The following NAALADL2 variants were observed in gnomAD, a reference collection of about 807,000 sequenced individuals.
The protein encoded by NAALADL2 is inactive N-acetylated-alpha-linked acidic dipeptidase-like protein 2.
A neutral mutation model predicts 87.2 loss-of-function variants in NAALADL2; 76 were observed. The observed-to-expected ratio is 0.87, with a 90% CI of 0.72 to 1.05. The LOEUF is 1.05. Ranked by LOEUF, NAALADL2 falls within the 50% of genes least tolerant of loss-of-function variation. The pLI, the probability that NAALADL2 is intolerant of heterozygous loss-of-function variation, is 0.00. For synonymous variants in NAALADL2, 354 were observed against 331.0 expected, an observed-to-expected ratio of 1.07 and a Z score of -0.75; for missense variants, 1,089 against 945.8, an observed-to-expected ratio of 1.15 and a Z score of -1.99.
intron 2 of NAALADL2, among the ~76,000 whole-genome samples, chr3:174,588,435 TGGA>T (rs1716971368): frequency 6.6e-6 from 1 of 152,214 alleles, no homozygotes; most frequent in Non-Finnish European, 1.5e-5. Flanking sequence ...TGCGTTCCTT[TGGA>T]GGAGAAGAGG....
At chr3:175,371,765 A>G (rs1766533459) in intron 5 of NAALADL2, among the ~76,000 whole-genome samples, 1 of 151,814 alleles carries the variant, frequency 6.6e-6, no homozygotes. Context: ...CGGAGGTTGC[A>G]GTAAGCCAAG....
chr3:174,897,434 G>C (rs894917569), intron 1 of NAALADL2, among the ~76,000 whole-genome samples: 1 of 150,468 alleles, frequency 6.6e-6, no homozygotes, highest in Non-Finnish European at 1.5e-5. Flanking sequence ...TAACATCATT[G>C]ATCATTAGAG....
chr3:175,519,823 A>G (rs1004814066), intron 9 of NAALADL2, among the ~76,000 whole-genome samples: 1 of 152,232 alleles, frequency 6.6e-6, no homozygotes, highest in African/African-American at 2.4e-5. Flanking sequence ...CAGTACAGTT[A>G]TCCACATTAC....
At chr3:175,051,453 G>T (rs1357800379) in intron 1 of NAALADL2, among the ~76,000 whole-genome samples, 1 of 152,090 alleles carries the variant, frequency 6.6e-6, no homozygotes, top group Non-Finnish European at 1.5e-5. Flanking sequence ...TTATTGGCAG[G>T]ATTCAGTTTC....
At chr3:175,459,640 A>G in intron 6 of NAALADL2, among the ~76,000 whole-genome samples, 1 of 152,124 alleles carries the variant, frequency 6.6e-6, no homozygotes. Context: ...TTCTACAGTG[A>G]AAAAGGGTTC....
In NAALADL2 at chr3:175,212,315, A is replaced by G. The variant is rs143407358; in HGVS notation, c.546-21616A>G. ...CAATCACATTACTATATAAGAGTTA[A>G]TTAATCAAGTCATAGTAAGGTAAAA... is the stretch of plus-strand genomic sequence containing the variant. On this transcript the variant is annotated intron_variant, in intron 2 of 13. Transcript: ENST00000454872. Among the ~76,000 whole-genome samples, 607 of 150,436 alleles carry G rather than the reference A, an allele frequency of 4.0e-3. 2 individuals carry two copies. Among genetic ancestry groups the G allele is most frequent in the African/African-American group, 0.014 (548 of 39,980 alleles).
At chr3:175,502,408 T>C (rs1000195726) in intron 9 of NAALADL2, among the ~76,000 whole-genome samples, 1 of 152,122 alleles carries the variant, frequency 6.6e-6, no homozygotes, top group Non-Finnish European at 1.5e-5. Flanking sequence ...AATGAGGCAA[T>C]GCGACAAGTA....
intron 5 of NAALADL2, among the ~76,000 whole-genome samples, chr3:175,432,757 A>G (rs957380239): frequency 2.6e-5 from 4 of 152,072 alleles, no homozygotes; most frequent in Non-Finnish European, 4.4e-5. Context: ...TCTAGCCACT[A>G]CTTTAAAAGC....
intron 11 of NAALADL2, among the ~76,000 whole-genome samples, chr3:175,665,658 C>T (rs920011933): frequency 6.6e-6 from 1 of 152,074 alleles, no homozygotes; most frequent in Non-Finnish European, 1.5e-5. Flanking sequence ...TTAGGCTGGG[C>T]GCGATGGCTC....
At chr3:175,783,962 A>G (rs1044430518) in intron 13 of NAALADL2, among the ~76,000 whole-genome samples, 1 of 140,512 alleles carries the variant, frequency 7.1e-6, no homozygotes, top group Non-Finnish European at 1.5e-5. Flanking sequence ...TGAGATAATC[A>G]TGTGGTTTTT....
At chr3:175,408,074 C>A (rs191908564) in intron 5 of NAALADL2, among the ~76,000 whole-genome samples, 1 of 151,936 alleles carries the variant, frequency 6.6e-6, no homozygotes, top group Admixed American at 6.6e-5. Flanking sequence ...CTTAAAAAGT[C>A]GATCTCATAG....
intron 1 of NAALADL2, among the ~76,000 whole-genome samples, chr3:175,004,767 T>C (rs1748790701): frequency 6.6e-6 from 1 of 152,180 alleles, no homozygotes; most frequent in African/African-American, 2.4e-5. Context: ...GATATCATTA[T>C]CTTCAGGTTA....
chr3:175,695,247 CA>C (rs1354318035), intron 11 of NAALADL2, among the ~76,000 whole-genome samples: 3 of 152,176 alleles, frequency 2.0e-5, no homozygotes, highest in Admixed American at 6.5e-5. Context: ...AGAATATTCT[CA>C]AACTGTAGAT....
At chr3:174,484,177 C>T (rs112627442) in intron 1 of NAALADL2, among the ~76,000 whole-genome samples, 1 of 139,736 alleles carries the variant, frequency 7.2e-6, no homozygotes, top group African/African-American at 2.6e-5. Context: ...TTTAATGTGT[C>T]GAGTGTGATT....
At chr3:174,977,131 C>T (rs73048921) in intron 1 of NAALADL2, among the ~76,000 whole-genome samples, 4,716 of 152,206 alleles carry the variant, frequency 0.031, 233 homozygotes, top group African/African-American at 0.11. Context: ...TGAAATAAGC[C>T]AGGCCCAGAA....
At chr3:175,023,425 A>G (rs1751820691) in intron 1 of NAALADL2, among the ~76,000 whole-genome samples, 3 of 152,100 alleles carry the variant, frequency 2.0e-5, no homozygotes, top group African/African-American at 7.2e-5. Flanking sequence ...TGTGTCTGTC[A>G]TAAAGTTTAT....
At chr3:175,409,319 G>C (rs1354193286) in intron 5 of NAALADL2, among the ~76,000 whole-genome samples, 1 of 151,704 alleles carries the variant, frequency 6.6e-6, no homozygotes, top group Non-Finnish European at 1.5e-5. Context: ...ATTGAGCTAA[G>C]TGCCTACCTA....
At chr3:175,592,164 T>C (rs9812672) in intron 10 of NAALADL2, among the ~76,000 whole-genome samples, 4,411 of 152,254 alleles carry the variant, frequency 0.029, 114 homozygotes, top group Admixed American at 0.071. Flanking sequence ...TATAATGGTA[T>C]CTTTTTAATT....
chr3:174,513,455 T>C (rs554361261), intron 1 of NAALADL2: 2 of 152,356 alleles, frequency 1.3e-5, no homozygotes, highest in South Asian at 4.1e-4. Flanking sequence ...GGCATCTTTC[T>C]AATTTCATGT....
Sources: allele counts gnomAD v4.1 joint callset (sites outside exome capture counted in the v4.1 genomes callset), GRCh38; gene constraint gnomAD v4.1.1; transcripts MANE v1.5; gene names NCBI Gene and HGNC (gene_info 2026-07-23, HGNC 2026-07-21).